PDS5B: variants seen among roughly 807,000 people sequenced by gnomAD.
PDS5B encodes sister chromatid cohesion protein PDS5 homolog B.
In PDS5B, 51 loss-of-function variants were observed where a neutral mutation model predicts 184.1. The ratio of observed to expected loss-of-function variants is 0.28; its 90% CI spans 0.22 to 0.35. PDS5B has a LOEUF of 0.35. Ranked by LOEUF, PDS5B falls within the 10% of genes least tolerant of loss-of-function variation. PDS5B has a pLI of 1.00. For synonymous variants in PDS5B, 566 were observed against 569.2 expected, an observed-to-expected ratio of 0.99 and a Z score of 0.08; for missense variants, 1,180 against 1,723.3, an observed-to-expected ratio of 0.68 and a Z score of 5.58.
rs566215941 is a variant in PDS5B at position 32,604,415 on chromosome 13, G to C, written c.-20+17822G>C. ...TATATTGAACCAGCCTTGCATCCCA[G>C]GGATGAAGCCAACTTGATCATGGTG... On this transcript the variant is annotated intron_variant, in intron 1 of 34. Transcript: ENST00000315596. Among the ~76,000 whole-genome samples, 11 of 152,306 alleles carry C rather than the reference G, an allele frequency of 7.2e-5. No individual in the cohort carries two copies. The East Asian group carries it at 2.1e-3, about 29-fold the overall frequency.
chr13:32,614,405 C>G (rs963058622), intron 1 of PDS5B, among the ~76,000 whole-genome samples: 1 of 151,204 alleles, frequency 6.6e-6, no homozygotes, highest in African/African-American at 2.4e-5. Context: ...TCAGGCGATT[C>G]TCATGCCTTG....
At chr13:32,764,434 A>G (rs1954517272) in intron 30 of PDS5B, 55 bp from the exon 31 acceptor site, 3 of 1,116,522 alleles carry the variant, frequency 2.7e-6, no homozygotes, top group Non-Finnish European at 3.7e-6. Flanking sequence ...AGGAACAGAA[A>G]AAGCTTGTAA....
intron 16 of PDS5B, 167 bp from the exon 17 acceptor site, chr13:32,701,156 A>G (rs1167835686): frequency 5.9e-6 from 3 of 511,350 alleles, no homozygotes; most frequent in Admixed American, 3.6e-5. Flanking sequence ...CCTTTTTCAT[A>G]TGCTAAATCC....
intron 24 of PDS5B, 115 bp from the exon 25 acceptor site, chr13:32,753,217 A>T: frequency 1.4e-6 from 1 of 722,550 alleles, no homozygotes; most frequent in Non-Finnish European, 2.3e-6. Flanking sequence ...TGAAGCAATT[A>T]TTGTAGATAA....
intron 6 of PDS5B, among the ~76,000 whole-genome samples, chr13:32,662,710 AT>A (rs1305445738): frequency 6.6e-6 from 1 of 152,148 alleles, no homozygotes; most frequent in African/African-American, 2.4e-5. Context: ...TCAAGGAGTA[AT>A]AAAAACATGA....
chr13:32,587,685 C>T (rs1340467627), intron 1 of PDS5B, among the ~76,000 whole-genome samples: 1 of 152,184 alleles, frequency 6.6e-6, no homozygotes, highest in Non-Finnish European at 1.5e-5. Flanking sequence ...AGCTACCCAC[C>T]CACTCCACGC....
intron 20 of PDS5B, among the ~76,000 whole-genome samples, chr13:32,733,782 C>T (rs909578455): frequency 1.4e-4 from 22 of 152,118 alleles, no homozygotes; most frequent in Non-Finnish European, 2.5e-4. Context: ...TATCCCCAGC[C>T]ACTTAGTTTC....
chr13:32,767,596 C>G (rs141418443), intron 31 of PDS5B, among the ~76,000 whole-genome samples: 24 of 152,170 alleles, frequency 1.6e-4, no homozygotes, highest in African/African-American at 5.5e-4. Context: ...CATAGATTGA[C>G]TGATTGACAG....
chr13:32,639,025 C>T lies in PDS5B; in HGVS notation c.-19-9729C>T, dbSNP rs565773783. 2.0e-5 allele frequency among the ~76,000 whole-genome samples: 3 copies of T among 151,716 alleles called. No homozygotes were observed. In the East Asian group the frequency reaches 5.8e-4, roughly 29 times the overall value. On this transcript the variant is annotated intron_variant, in intron 1 of 34. Transcript: ENST00000315596. ...GAGATTTGACGTGAATAGAAAAATT[C>T]GTAATTTTATCCACCCCCCCACCCC... is the stretch of plus-strand genomic sequence containing the variant.
chr13:32,655,986 A>G (rs1186355520), intron 3 of PDS5B, among the ~76,000 whole-genome samples: 1 of 152,072 alleles, frequency 6.6e-6, no homozygotes, highest in Non-Finnish European at 1.5e-5. Context: ...TTAATCCATC[A>G]TGAGTTGATT....
At chr13:32,635,232 C>G in intron 1 of PDS5B, among the ~76,000 whole-genome samples, 6 of 117,226 alleles carry the variant, frequency 5.1e-5, no homozygotes, top group Admixed American at 1.0e-4. Context: ...ATGGGGGGGT[C>G]TCACTGTATT....
At chr13:32,593,126 G>T (rs190283566) in intron 1 of PDS5B, among the ~76,000 whole-genome samples, 61 of 152,282 alleles carry the variant, frequency 4.0e-4, no homozygotes, top group Admixed American at 2.3e-3. Context: ...CCATTACGGA[G>T]AATATTATGG....
chr13:32,643,496 C>A (rs1176725329), intron 1 of PDS5B, among the ~76,000 whole-genome samples: 2 of 152,152 alleles, frequency 1.3e-5, no homozygotes, highest in Non-Finnish European at 2.9e-5. Flanking sequence ...TCTGCTCTTT[C>A]CTGTTATCGC....
At chr13:32,755,806 GTTT>G (rs199745922) in intron 25 of PDS5B, 33 bp from the exon 26 acceptor site, 35 of 967,656 alleles carry the variant, frequency 3.6e-5, no homozygotes, top group African/African-American at 5.0e-5. Context: ...TTTTTCTTTT[GTTT>G]TTTTTTGTTT....
At chr13:32,729,793 T>G (rs1953040397) in intron 19 of PDS5B, among the ~76,000 whole-genome samples, 1 of 152,128 alleles carries the variant, frequency 6.6e-6, no homozygotes, top group Non-Finnish European at 1.5e-5. Flanking sequence ...ATGGAGTTGT[T>G]TTTTTCTTGT....
chr13:32,602,055 A>G (rs989704959), intron 1 of PDS5B, among the ~76,000 whole-genome samples: 3 of 146,790 alleles, frequency 2.0e-5, no homozygotes, highest in Non-Finnish European at 3.0e-5. Context: ...ATTCAAAACA[A>G]TGTTTTTCAG....
At chr13:32,623,851 C>T (rs865893808) in intron 1 of PDS5B, among the ~76,000 whole-genome samples, 33 of 151,862 alleles carry the variant, frequency 2.2e-4, no homozygotes, top group African/African-American at 4.8e-4. Context: ...CTGGCTCTCT[C>T]GCCAGGCTGG....
chr13:32,595,480 G>T (rs1377015608), intron 1 of PDS5B, among the ~76,000 whole-genome samples: 1 of 152,120 alleles, frequency 6.6e-6, no homozygotes, highest in East Asian at 1.9e-4. Flanking sequence ...CCTTCTGGGG[G>T]TTTCAAAACA....
chr13:32,768,877 G>A (rs1371684757), intron 31 of PDS5B, among the ~76,000 whole-genome samples: 4 of 148,350 alleles, frequency 2.7e-5, no homozygotes, highest in Non-Finnish European at 6.0e-5. Flanking sequence ...CGAGGCGGGC[G>A]GATCACAAGG....
Sources: allele counts gnomAD v4.1 joint callset (sites outside exome capture counted in the v4.1 genomes callset), GRCh38; gene constraint gnomAD v4.1.1; transcripts MANE v1.5; gene names NCBI Gene and HGNC (gene_info 2026-07-23, HGNC 2026-07-21).